The following ZNF827 variants were observed in gnomAD, a reference collection of about 807,000 sequenced individuals.
ZNF827 encodes the protein zinc finger protein 827.
ZNF827 carries 13 observed loss-of-function variants against 102.4 expected under a neutral mutation model. That is an observed-to-expected ratio of 0.13 (90% confidence interval 0.08 to 0.20). The LOEUF (loss-of-function observed/expected upper bound fraction) is 0.20, where lower values mean the gene tolerates loss of function less well. Among genes scored for constraint, ZNF827 ranks in the 10% least tolerant of loss-of-function variants. ZNF827 has a pLI of 1.00. For synonymous variants in ZNF827, 523 were observed against 536.2 expected (o/e 0.98, Z 0.34); for missense variants, 1,103 against 1,344.4 (o/e 0.82, Z 2.81).
intron 1 of ZNF827, among the ~76,000 whole-genome samples, chr4:145,904,088 A>G (rs1354272161): frequency 6.6e-6 from 1 of 152,196 alleles, no homozygotes; most frequent in African/African-American, 2.4e-5. Context: ...ACTCTCATGC[A>G]CCAGTTAGGC....
chr4:145,781,218 G>GAA (rs1560914681), intron 8 of ZNF827, among the ~76,000 whole-genome samples: 3 of 70,848 alleles, frequency 4.2e-5, no homozygotes, highest in Non-Finnish European at 8.1e-5. Context: ...AAAAAAAAAA[G>GAA]AAAAAAAAAG....
intron 4 of ZNF827, chr4:145,870,883 G>T (rs1355328046): frequency 6.0e-6 from 1 of 167,120 alleles, no homozygotes; most frequent in African/African-American, 2.4e-5. Flanking sequence ...ACAAACATGA[G>T]TCAGAGGCAG....
At chr4:145,839,520 G>A (rs1745209657) in intron 7 of ZNF827, 1 of 152,270 alleles carries the variant, frequency 6.6e-6, no homozygotes, top group South Asian at 2.1e-4. Flanking sequence ...GGAAGTTACA[G>A]ACGATGCTAG....
intron 7 of ZNF827, among the ~76,000 whole-genome samples, chr4:145,838,945 T>C (rs1250941955): frequency 1.3e-5 from 2 of 152,160 alleles, no homozygotes; most frequent in African/African-American, 2.4e-5. Context: ...TGAGGGACAA[T>C]TGTAAAAGAC....
chr4:145,903,979 A>AT (rs1196975209), intron 1 of ZNF827, among the ~76,000 whole-genome samples: 1 of 152,102 alleles, frequency 6.6e-6, no homozygotes, highest in Non-Finnish European at 1.5e-5. Context: ...TGCTTGCCAT[A>AT]TTATCACAGG....
At chr4:145,913,142 T>C (rs28379029) in intron 1 of ZNF827, among the ~76,000 whole-genome samples, 14,752 of 152,128 alleles carry the variant, frequency 0.097, 957 homozygotes, top group African/African-American at 0.18. Context: ...TTTAAAAAAA[T>C]AGGCCAAGCA....
At chr4:145,812,433 G>A (rs1009128164) in intron 8 of ZNF827, among the ~76,000 whole-genome samples, 3 of 151,954 alleles carry the variant, frequency 2.0e-5, no homozygotes, top group South Asian at 2.1e-4. Flanking sequence ...CAATCAGCTC[G>A]GCATCTAAGG....
rs186209557 is a variant in ZNF827, at chr4:145,867,585, G to T, written c.1981+2660C>A. Among the ~76,000 whole-genome samples the T allele has an allele frequency of 1.1e-4, 16 of 152,280 alleles. No individual in the cohort carries two copies. The East Asian group carries it at 3.1e-3, about 29-fold the overall frequency. The stretch of plus-strand genomic sequence containing the variant: ...TAACCTCAAGGAAATAAGTAACAGA[G>T]AAGAAAATTCCTTTTATTCCACATC... On this transcript the variant is annotated intron_variant, in intron 5 of 14. Coordinates refer to ENST00000508784, the MANE Select transcript of ZNF827 (RefSeq NM_001306215.2).
At chr4:145,878,751 G>A (rs142463850) in intron 4 of ZNF827, among the ~76,000 whole-genome samples, 225 of 146,900 alleles carry the variant, frequency 1.5e-3, no homozygotes, top group Middle Eastern at 0.014. Context: ...GAGGAAGGGC[G>A]GAAGGAAGGA....
chr4:145,888,285 T>A lies in ZNF827; in HGVS notation c.1267-2127A>T, dbSNP rs563015579. ...ATCCTCTGACTGCAGTTTTTCCCCC[T>A]TCTCTCCTGACATTCGAGCACTTTT... On this transcript the variant is annotated intron_variant, in intron 3 of 14. Transcript: ENST00000508784. 2.0e-5 allele frequency among the ~76,000 whole-genome samples: 3 copies of A among 152,312 alleles called. No individual in the cohort carries two copies. In the South Asian group the frequency reaches 6.2e-4, roughly 32 times the overall value.
In ZNF827 at chr4:145,870,550, C is replaced by T. The variant is rs1478574257; in HGVS notation, c.1748-72G>A. On this transcript the variant is annotated intron_variant, in intron 4 of 14. Coordinates refer to ENST00000508784, the MANE Select transcript of ZNF827 (RefSeq NM_001306215.2). The stretch of plus-strand genomic sequence containing the variant: ...CCTCCTTAGCTGCCCTGGTACTTCA[C>T]GAAGTATGGAATGCACAATCACACT... 5.3e-6 allele frequency: 7 copies of T among 1,316,272 alleles called. No individual in the cohort carries two copies. The East Asian group carries it at 7.0e-5, about 13-fold the overall frequency. The allele number at this position is 1,316,272 out of a possible 1,614,324, so 81.5% of individuals were successfully genotyped here.
rs201575430 is a variant in ZNF827, at chr4:145,787,425, G to GCGTGGT, written c.2384-7915_2384-7914insACCACG. 9.7e-3 allele frequency among the ~76,000 whole-genome samples: 1,417 copies of GCGTGGT among 145,528 alleles called. 24 individuals carry two copies. The highest frequency in any genetic ancestry group is 0.035 in the African/African-American group (1,354 of 39,032). On this transcript the variant is annotated intron_variant, in intron 8 of 14. Transcript: ENST00000508784. ...TGCAGTGAGCTGAGACCACGCCATT[G>GCGTGGT]CACTCCAGCCCGGGTGACAGAGTGA...
chr4:145,770,050 C>T (rs1393158578), intron 11 of ZNF827, among the ~76,000 whole-genome samples: 1 of 152,164 alleles, frequency 6.6e-6, no homozygotes, highest in African/African-American at 2.4e-5. Flanking sequence ...GTAATCCCAG[C>T]ACTTTGGGAG....
chr4:145,932,620 G>T (rs1207596395), intron 1 of ZNF827, among the ~76,000 whole-genome samples: 1 of 152,034 alleles, frequency 6.6e-6, no homozygotes, highest in Non-Finnish European at 1.5e-5. Flanking sequence ...GACCTCAGGC[G>T]CCCGCCACCA....
intron 4 of ZNF827, 26 bp downstream of exon 4, chr4:145,885,652 G>A (rs1193938383): frequency 9.5e-6 from 11 of 1,161,060 alleles, no homozygotes; most frequent in Non-Finnish European, 1.3e-5. Flanking sequence ...GAGAGAGAGA[G>A]AGAGAATACA....
At position 145,901,437 on chromosome 4, in the gene ZNF827, G is replaced by A. The variant is rs78270586; in HGVS notation, c.1093+729C>T. The stretch of plus-strand genomic sequence containing the variant: ...GAATGCTAAGGTCCTATATGACAGC[G>A]ATTTCTCCTTTGGAAAGACTGCCTC... On this transcript the variant is annotated intron_variant, in intron 2 of 14. Transcript: ENST00000508784. 9.9e-5 allele frequency among the ~76,000 whole-genome samples: 15 copies of A among 152,280 alleles called. No homozygotes were observed. In the East Asian group the frequency reaches 1.9e-3, roughly 20 times the overall value.
intron 5 of ZNF827, among the ~76,000 whole-genome samples, chr4:145,860,930 A>G (rs1413377312): frequency 2.0e-5 from 3 of 152,220 alleles, no homozygotes; most frequent in Admixed American, 6.5e-5. Context: ...CCCCTGCCCA[A>G]TGGAAAGGGT....
intron 5 of ZNF827, among the ~76,000 whole-genome samples, chr4:145,861,552 C>T (rs1387841354): frequency 6.6e-6 from 1 of 152,116 alleles, no homozygotes; most frequent in Non-Finnish European, 1.5e-5. Context: ...GTATGTGTTA[C>T]CGATTAGGTA....
intron 5 of ZNF827, among the ~76,000 whole-genome samples, chr4:145,858,641 C>CAAA (rs57745840): frequency 1.1e-5 from 1 of 93,038 alleles, no homozygotes; most frequent in Non-Finnish European, 2.3e-5. Context: ...GACCCTGTCT[C>CAAA]AAAAAAAAAA....
Sources: gnomAD v4.1 joint callset for allele counts (sites outside exome capture counted in the v4.1 genomes callset) on GRCh38, gnomAD v4.1.1 for gene constraint, MANE v1.5 for transcripts, NCBI Gene and HGNC (gene_info 2026-07-23, HGNC 2026-07-21) for gene names.